Variants in SLC30A8 observed in about 807,000 individuals in gnomAD.
The protein encoded by SLC30A8 is proton-coupled zinc antiporter SLC30A8.
In SLC30A8, 27 loss-of-function variants were observed where a neutral mutation model predicts 36.9. That is an observed-to-expected ratio of 0.73 (90% CI 0.54 to 1.01). The LOEUF is 1.01. Ranked by LOEUF, SLC30A8 falls within the 50% of genes least tolerant of loss-of-function variation. The probability of loss-of-function intolerance (pLI) is 0.00; values close to 1 mark genes in which losing one functional copy is unlikely to be tolerated. For synonymous variants in SLC30A8, 164 were observed against 172.4 expected, an observed-to-expected ratio of 0.95 and a Z score of 0.38; for missense variants, 439 against 452.0, an observed-to-expected ratio of 0.97 and a Z score of 0.26.
chr8:117,097,588 ATATAT>A (rs1474884134), intron 2 of SLC30A8, among the ~76,000 whole-genome samples: 5 of 89,520 alleles, frequency 5.6e-5, no homozygotes, highest in Non-Finnish European at 9.9e-5. Context: ...TTTAAATAAT[ATATAT>A]TATATATAAT....
chr8:116,993,643 G>T (rs981587370), intron 1 of SLC30A8, among the ~76,000 whole-genome samples: 3 of 151,828 alleles, frequency 2.0e-5, no homozygotes, highest in African/African-American at 7.3e-5. Context: ...ATAGAAACAG[G>T]TAACCAGAAT....
chr8:117,026,448 CT>C (rs1816875008), intron 1 of SLC30A8, among the ~76,000 whole-genome samples: 1 of 152,128 alleles, frequency 6.6e-6, no homozygotes. Flanking sequence ...GGAAGAAATT[CT>C]TGTGTAAGAG....
At chr8:116,985,639 A>G (rs1815418940) in intron 1 of SLC30A8, among the ~76,000 whole-genome samples, 1 of 152,086 alleles carries the variant, frequency 6.6e-6, no homozygotes, top group Admixed American at 6.6e-5. Context: ...AATTTTGATA[A>G]TATCAACAAA....
intron 2 of SLC30A8, among the ~76,000 whole-genome samples, chr8:117,058,376 T>C (rs1817930981): frequency 1.3e-5 from 2 of 152,242 alleles, no homozygotes; most frequent in Admixed American, 6.5e-5. Flanking sequence ...GCAAAAACTT[T>C]CTGGTTTAAT....
chr8:116,993,033 A>C (rs901146499), intron 1 of SLC30A8, among the ~76,000 whole-genome samples: 1 of 152,168 alleles, frequency 6.6e-6, no homozygotes, highest in Admixed American at 6.6e-5. Flanking sequence ...GCATGGTCTT[A>C]AAGAAAACAT....
intron 2 of SLC30A8, among the ~76,000 whole-genome samples, chr8:117,041,700 TAAA>T (rs1563761166): frequency 6.6e-6 from 1 of 150,604 alleles, no homozygotes; most frequent in East Asian, 1.9e-4. Flanking sequence ...AAAAAAAAAA[TAAA>T]AAAATAAAAA....
At chr8:117,036,964 C>T (rs913644443) in intron 1 of SLC30A8, among the ~76,000 whole-genome samples, 1 of 152,124 alleles carries the variant, frequency 6.6e-6, no homozygotes, top group African/African-American at 2.4e-5. Flanking sequence ...CTTAGCCCTG[C>T]CTGGGATTAG....
rs116197642 is a variant in SLC30A8, at chr8:117,041,383, G to A, written c.-226+2125G>A. Among the ~76,000 whole-genome samples the A allele has an allele frequency of 6.4e-3, 970 of 152,246 alleles. 17 individuals carry two copies. Among genetic ancestry groups the A allele is most frequent in the African/African-American group, 0.022 (921 of 41,546 alleles). On this transcript the variant is annotated intron_variant, in intron 2 of 10. Transcript: ENST00000427715. Reference sequence around the variant, plus strand: ...TTGTATGTGACAGATTCTAGAATTTGCCCTGAAAAATTTCTGATGGCGGGC... The same window carrying A: ...TTGTATGTGACAGATTCTAGAATTTACCCTGAAAAATTTCTGATGGCGGGC...
intron 1 of SLC30A8, among the ~76,000 whole-genome samples, chr8:117,136,972 C>T (rs1318867751): frequency 6.6e-6 from 1 of 151,916 alleles, no homozygotes; most frequent in African/African-American, 2.4e-5. Flanking sequence ...CTCATTTTAC[C>T]ATGTAGGAAA....
chr8:116,967,532 C>T (rs1252858678), intron 1 of SLC30A8, among the ~76,000 whole-genome samples: 1 of 152,130 alleles, frequency 6.6e-6, no homozygotes, highest in Non-Finnish European at 1.5e-5. Context: ...AGCTCTGAAC[C>T]CTCAAGTCGA....
chr8:117,017,140 G>T (rs1354661565), intron 1 of SLC30A8, among the ~76,000 whole-genome samples: 1 of 152,120 alleles, frequency 6.6e-6, no homozygotes, highest in African/African-American at 2.4e-5. Flanking sequence ...GTTATTTAGA[G>T]ATTAAATTAG....
At chr8:117,078,082 A>G (rs1349599848) in intron 2 of SLC30A8, among the ~76,000 whole-genome samples, 1 of 152,218 alleles carries the variant, frequency 6.6e-6, no homozygotes, top group African/African-American at 2.4e-5. Flanking sequence ...CTTTTCATGT[A>G]TGCACAAAAG....
chr8:117,097,418 A>T (rs67944175), intron 2 of SLC30A8, among the ~76,000 whole-genome samples: 19,381 of 89,024 alleles, frequency 0.22, 2,859 homozygotes, highest in African/African-American at 0.43. Context: ...AAAAAAAAAA[A>T]ATATATATAA....
At chr8:116,967,167 T>G (rs1814625944) in intron 1 of SLC30A8, among the ~76,000 whole-genome samples, 1 of 152,156 alleles carries the variant, frequency 6.6e-6, no homozygotes, top group Non-Finnish European at 1.5e-5. Flanking sequence ...CTTTTAGCAA[T>G]GTAGAATGAA....
intron 1 of SLC30A8, among the ~76,000 whole-genome samples, chr8:116,966,355 G>A (rs191900305): frequency 1.3e-5 from 2 of 152,214 alleles, no homozygotes; most frequent in African/African-American, 4.8e-5. Flanking sequence ...TATGCGACCC[G>A]TAGATATCTT....
intron 1 of SLC30A8, among the ~76,000 whole-genome samples, chr8:117,003,152 TC>T (rs1339511865): frequency 6.6e-6 from 1 of 152,188 alleles, no homozygotes. Flanking sequence ...AAATTCAAGG[TC>T]CACATTGCCT....
chr8:117,048,689 G>A (rs1586441400), intron 2 of SLC30A8, among the ~76,000 whole-genome samples: 1 of 152,262 alleles, frequency 6.6e-6, no homozygotes, highest in South Asian at 2.1e-4. Flanking sequence ...CAAAAATGCT[G>A]ACTATTGTGT....
intron 1 of SLC30A8, among the ~76,000 whole-genome samples, chr8:117,020,843 A>G (rs1374407482): frequency 6.6e-5 from 10 of 152,238 alleles, no homozygotes; most frequent in Non-Finnish European, 1.3e-4. Flanking sequence ...ATATCTGTAG[A>G]TGTTTTTATA....
intron 2 of SLC30A8, among the ~76,000 whole-genome samples, 164 bp downstream of exon 2, chr8:117,147,317 T>C (rs917222515): frequency 7.2e-5 from 11 of 152,180 alleles, no homozygotes; most frequent in African/African-American, 2.7e-4. Flanking sequence ...GGAAACAAAA[T>C]AAAATTCATC....
Sources: allele counts gnomAD v4.1 joint callset (sites outside exome capture counted in the v4.1 genomes callset), GRCh38; gene constraint gnomAD v4.1.1; transcripts MANE v1.5; gene names NCBI Gene and HGNC (gene_info 2026-07-23, HGNC 2026-07-21).